SND1: variants seen among roughly 807,000 people sequenced by gnomAD.
The protein encoded by SND1 is staphylococcal nuclease and tudor domain containing 1.
In SND1, 38 loss-of-function variants were observed where a neutral mutation model predicts 121.7. That is an observed-to-expected ratio of 0.31 (90% CI 0.24 to 0.41). The LOEUF is 0.41. SND1 is among the 10% of genes least tolerant of loss of function. The probability of loss-of-function intolerance (pLI) is 1.00; values close to 1 mark genes in which losing one functional copy is unlikely to be tolerated. For missense variants in SND1, 868 were observed against 1,184.6 expected (o/e 0.73, Z 3.92); for synonymous variants, 401 against 447.4 (o/e 0.90, Z 1.31).
intron 1 of SND1, among the ~76,000 whole-genome samples, chr7:127,681,003 G>T (rs1439168873): frequency 6.6e-6 from 1 of 152,080 alleles, no homozygotes; most frequent in Non-Finnish European, 1.5e-5. Context: ...TCCGTTCGGG[G>T]TGCCTGACTT....
chr7:127,952,806 A>G (rs563388605), intron 15 of SND1, among the ~76,000 whole-genome samples: 5 of 152,298 alleles, frequency 3.3e-5, no homozygotes, highest in East Asian at 1.9e-4. Context: ...TCTTTTATCA[A>G]TAGAATCTCA....
intron 16 of SND1, among the ~76,000 whole-genome samples, chr7:128,043,778 A>G (rs1792897498): frequency 6.6e-6 from 1 of 151,388 alleles, no homozygotes; most frequent in Admixed American, 6.6e-5. Context: ...ATGTATTTAT[A>G]TATTGTGTAT....
intron 16 of SND1, among the ~76,000 whole-genome samples, chr7:128,009,896 C>T (rs1363316031): frequency 1.3e-5 from 2 of 152,082 alleles, no homozygotes; most frequent in Middle Eastern, 3.2e-3. Flanking sequence ...AGTCAGACAA[C>T]CTTGTCCTTA....
chr7:127,718,102 A>G (rs532178424), intron 9 of SND1, among the ~76,000 whole-genome samples: 39 of 152,220 alleles, frequency 2.6e-4, no homozygotes, highest in African/African-American at 9.4e-4. Context: ...CATGTATTTG[A>G]GTCCAGCTAA....
chr7:127,834,677 C>T (rs1201342037), intron 11 of SND1, among the ~76,000 whole-genome samples: 1 of 152,084 alleles, frequency 6.6e-6, no homozygotes, highest in Non-Finnish European at 1.5e-5. Flanking sequence ...GTTTACTTAG[C>T]CACAAAACTG....
At chr7:127,785,249 A>C (rs1446937224) in intron 10 of SND1, among the ~76,000 whole-genome samples, 1 of 152,214 alleles carries the variant, frequency 6.6e-6, no homozygotes, top group East Asian at 1.9e-4. Context: ...AAGGAAGGGA[A>C]GTCAAAGTAG....
At chr7:127,858,090 C>T (rs1307280939) in intron 12 of SND1, 1 of 956,368 alleles carries the variant, frequency 1.0e-6, no homozygotes, top group Non-Finnish European at 1.7e-6. Context: ...GGGTTGGGGT[C>T]TCCAGTTCCC....
intron 15 of SND1, among the ~76,000 whole-genome samples, chr7:127,977,244 A>T (rs971923120): frequency 6.6e-6 from 1 of 152,246 alleles, no homozygotes; most frequent in Admixed American, 6.5e-5. Flanking sequence ...ACTTCATCTT[A>T]TGTAGGTTTA....
rs370595840 is a variant in SND1, at chr7:127,844,789, CAA to C, written c.1343+367_1343+368del. Among the ~76,000 whole-genome samples the C allele has an allele frequency of 4.7e-4, 72 of 152,236 alleles. No homozygotes were observed. The East Asian group carries it at 9.5e-3, about 20-fold the overall frequency. On this transcript the variant is annotated intron_variant, in intron 12 of 23. Coordinates refer to ENST00000354725, the MANE Select transcript of SND1 (RefSeq NM_014390.4). The stretch of plus-strand genomic sequence containing the variant: ...AGTCTAGGTATAGAATAGCAGGTAA[CAA>C]AGAGGGAAGAAGAGGAGAGGTTAAT...
At chr7:127,659,053 T>A (rs1795262620) in intron 1 of SND1, among the ~76,000 whole-genome samples, 1 of 152,244 alleles carries the variant, frequency 6.6e-6, no homozygotes, top group Non-Finnish European at 1.5e-5. Context: ...ATTTTGTGCA[T>A]TATCAGGGAA....
At chr7:127,880,011 A>G (rs1300935981) in intron 12 of SND1, among the ~76,000 whole-genome samples, 1 of 152,204 alleles carries the variant, frequency 6.6e-6, no homozygotes, top group Non-Finnish European at 1.5e-5. Context: ...CCCATGATCA[A>G]CCACAGTCTG....
intron 17 of SND1, among the ~76,000 whole-genome samples, chr7:128,077,525 T>C (rs1793526702): frequency 6.6e-6 from 1 of 152,192 alleles, no homozygotes; most frequent in African/African-American, 2.4e-5. Context: ...AGGAGGGGCC[T>C]CCATCCACCC....
intron 12 of SND1, among the ~76,000 whole-genome samples, chr7:127,850,075 T>C (rs1343156995): frequency 6.6e-6 from 1 of 152,236 alleles, no homozygotes; most frequent in African/African-American, 2.4e-5. Context: ...TGCTTTTTCT[T>C]TGGTTCTAAT....
chr7:127,841,664 G>C (rs1798967942), intron 11 of SND1, among the ~76,000 whole-genome samples: 1 of 152,038 alleles, frequency 6.6e-6, no homozygotes, highest in Non-Finnish European at 1.5e-5. Flanking sequence ...AGGCCTGTCT[G>C]TGTGCAGCCC....
At chr7:127,876,628 T>A (rs920110351) in intron 12 of SND1, among the ~76,000 whole-genome samples, 1 of 152,218 alleles carries the variant, frequency 6.6e-6, no homozygotes, top group Non-Finnish European at 1.5e-5. Context: ...TCACATGTCC[T>A]GCAGATAGTT....
At chr7:128,003,188 C>G (rs1003137777) in intron 16 of SND1, among the ~76,000 whole-genome samples, 2 of 151,416 alleles carry the variant, frequency 1.3e-5, no homozygotes, top group Non-Finnish European at 2.9e-5. Flanking sequence ...CCAGCCTGGG[C>G]AACAGAGCCA....
intron 15 of SND1, among the ~76,000 whole-genome samples, chr7:127,953,675 G>A (rs1801522130): frequency 6.6e-6 from 1 of 152,198 alleles, no homozygotes; most frequent in Non-Finnish European, 1.5e-5. Context: ...AAAGTGAAAA[G>A]TGCTTTTGAT....
intron 10 of SND1, among the ~76,000 whole-genome samples, chr7:127,778,382 A>G (rs1413053209): frequency 2.6e-5 from 4 of 152,002 alleles, no homozygotes; most frequent in Non-Finnish European, 5.9e-5. Context: ...TATTTTTAGT[A>G]GAGACAGGGT....
chr7:127,807,609 G>T (rs1413767295), intron 11 of SND1, 36 bp downstream of exon 11: 1 of 1,545,910 alleles, frequency 6.5e-7, no homozygotes, highest in Non-Finnish European at 8.9e-7. Flanking sequence ...TTTGCAAGTG[G>T]TTGGGCTTAA....
Sources: gnomAD v4.1 joint callset for allele counts (sites outside exome capture counted in the v4.1 genomes callset) on GRCh38, gnomAD v4.1.1 for gene constraint, MANE v1.5 for transcripts, NCBI Gene and HGNC (gene_info 2026-07-23, HGNC 2026-07-21) for gene names.